The following PPM1H variants were observed in gnomAD, a reference collection of about 807,000 sequenced individuals.
PPM1H encodes the protein protein phosphatase 1H.
In PPM1H, 27 loss-of-function variants were observed where a neutral mutation model predicts 54.9. That is an observed-to-expected ratio of 0.49 (90% CI 0.36 to 0.68). The LOEUF (loss-of-function observed/expected upper bound fraction) is 0.68, where lower values mean the gene tolerates loss of function less well. PPM1H is among the 30% of genes least tolerant of loss of function. The probability of loss-of-function intolerance (pLI) is 0.00; values close to 1 mark genes in which losing one functional copy is unlikely to be tolerated. For missense variants in PPM1H, 596 were observed against 667.8 expected, an observed-to-expected ratio of 0.89 and a Z score of 1.19; for synonymous variants, 305 against 270.8, an observed-to-expected ratio of 1.13 and a Z score of -1.24.
chr12:62,879,548 T>C (rs945067042), intron 1 of PPM1H, among the ~76,000 whole-genome samples: 6 of 151,888 alleles, frequency 4.0e-5, no homozygotes, highest in Non-Finnish European at 8.8e-5. Context: ...CAGTCATAAG[T>C]GGGAGTTGAA....
intron 9 of PPM1H, among the ~76,000 whole-genome samples, chr12:62,664,496 A>T (rs2075905392): frequency 6.6e-6 from 1 of 152,154 alleles, no homozygotes; most frequent in Non-Finnish European, 1.5e-5. Context: ...CAACTTGTTT[A>T]CTTAAAGCCT....
At chr12:62,748,402 T>C (rs1197730935) in intron 4 of PPM1H, among the ~76,000 whole-genome samples, 2 of 152,192 alleles carry the variant, frequency 1.3e-5, no homozygotes, top group Non-Finnish European at 2.9e-5. Flanking sequence ...GCAAAGTGCT[T>C]TGAGGCTCTA....
intron 8 of PPM1H, among the ~76,000 whole-genome samples, chr12:62,688,008 C>CA (rs57922128): frequency 0.39 from 36,908 of 95,012 alleles, 8,252 homozygotes; most frequent in African/African-American, 0.66. Flanking sequence ...GACTCCATCT[C>CA]AAAAAAAAAA....
At chr12:62,704,810 A>G (rs918578106) in intron 6 of PPM1H, among the ~76,000 whole-genome samples, 1 of 152,150 alleles carries the variant, frequency 6.6e-6, no homozygotes, top group African/African-American at 2.4e-5. Context: ...GTCCCCGACA[A>G]TGCAGCTGCC....
At chr12:62,856,727 T>C (rs961559041) in intron 1 of PPM1H, among the ~76,000 whole-genome samples, 2 of 152,212 alleles carry the variant, frequency 1.3e-5, no homozygotes, top group African/African-American at 2.4e-5. Context: ...AGAGGGAATC[T>C]TTGTCAACGT....
At chr12:62,841,471 G>T (rs1424837387) in intron 1 of PPM1H, among the ~76,000 whole-genome samples, 3 of 152,166 alleles carry the variant, frequency 2.0e-5, no homozygotes, top group African/African-American at 7.2e-5. Flanking sequence ...TAATGGCAGA[G>T]TTATTAGTAG....
At chr12:62,847,232 T>G (rs1262769393) in intron 1 of PPM1H, among the ~76,000 whole-genome samples, 1 of 152,160 alleles carries the variant, frequency 6.6e-6, no homozygotes, top group African/African-American at 2.4e-5. Flanking sequence ...GGAAATAGAA[T>G]CTCAACAGAG....
intron 4 of PPM1H, among the ~76,000 whole-genome samples, chr12:62,780,125 A>G (rs2076632850): frequency 6.6e-6 from 1 of 152,244 alleles, no homozygotes; most frequent in Admixed American, 6.5e-5. Context: ...GGACAAAGTA[A>G]GCCAGCCAGT....
chr12:62,652,535 T>TAA (rs2075822084), intron 9 of PPM1H, among the ~76,000 whole-genome samples: 1 of 152,210 alleles, frequency 6.6e-6, no homozygotes, highest in South Asian at 2.1e-4. Context: ...TATGAAAACT[T>TAA]ATTTTGTGTT....
At chr12:62,739,751 G>A (rs1252956218) in intron 4 of PPM1H, among the ~76,000 whole-genome samples, 2 of 152,220 alleles carry the variant, frequency 1.3e-5, no homozygotes, top group East Asian at 3.8e-4. Flanking sequence ...CTGATTAAAG[G>A]AGCAGATGAA....
In PPM1H at chr12:62,809,219, T is replaced by C. The variant is rs984833376; in HGVS notation, c.412-7059A>G. ...GCATACACCACCACACCAGGCTAAT[T>C]TTTGTACTTTTAGTAGAGACAGGGT... On this transcript the variant is annotated intron_variant, in intron 2 of 9. Transcript: ENST00000228705. Among the ~76,000 whole-genome samples, 6 of 152,180 alleles carry C rather than the reference T, an allele frequency of 3.9e-5. No individual in the cohort carries two copies. The East Asian group carries it at 1.2e-3, about 29-fold the overall frequency.
chr12:62,819,641 G>A (rs1387147722), intron 2 of PPM1H, among the ~76,000 whole-genome samples: 1 of 152,148 alleles, frequency 6.6e-6, no homozygotes, highest in Non-Finnish European at 1.5e-5. Context: ...TTAAATTTGT[G>A]TGCCTTTTAA....
intron 2 of PPM1H, among the ~76,000 whole-genome samples, chr12:62,817,117 A>T (rs1347322794): frequency 3.6e-5 from 3 of 83,918 alleles, no homozygotes; most frequent in Non-Finnish European, 7.0e-5. Flanking sequence ...CTGCATTACT[A>T]AAAAAAAAAA....
intron 1 of PPM1H, among the ~76,000 whole-genome samples, chr12:62,923,687 C>T (rs1871877000): frequency 6.6e-6 from 1 of 152,192 alleles, no homozygotes; most frequent in Non-Finnish European, 1.5e-5. Flanking sequence ...CTGGCATGAG[C>T]CACTGAGCCT....
In PPM1H at chr12:62,806,564, T is replaced by C. The variant is rs531011047; in HGVS notation, c.412-4404A>G. 2.6e-5 allele frequency among the ~76,000 whole-genome samples: 4 copies of C among 152,262 alleles called. No individual in the cohort carries two copies. In the South Asian group the frequency reaches 8.3e-4, roughly 32 times the overall value. ...GGCCTGGTGGGAGGTGACTGCATCATGGGGGTGGATTTCCCCTTGTTCTTG... is the reference window on the plus strand; with the variant it reads ...GGCCTGGTGGGAGGTGACTGCATCACGGGGGTGGATTTCCCCTTGTTCTTG... On this transcript the variant is annotated intron_variant, in intron 2 of 9. Transcript: ENST00000228705.
chr12:62,753,486 C>T (rs539256779), intron 4 of PPM1H, among the ~76,000 whole-genome samples: 3 of 152,352 alleles, frequency 2.0e-5, no homozygotes, highest in South Asian at 2.1e-4. Context: ...TAACATCTTT[C>T]CACCTTTCTA....
At chr12:62,818,611 G>C (rs926572936) in intron 2 of PPM1H, among the ~76,000 whole-genome samples, 1 of 152,124 alleles carries the variant, frequency 6.6e-6, no homozygotes, top group African/African-American at 2.4e-5. Context: ...TCAGTTCTCA[G>C]AGGTAGGCAT....
intron 9 of PPM1H, 107 bp downstream of exon 9, chr12:62,667,071 T>C (rs1224598862): frequency 1.6e-6 from 2 of 1,286,658 alleles, no homozygotes. Flanking sequence ...GTACCGTCCA[T>C]ATCAGCCTCT....
At chr12:62,882,622 G>A (rs924278520) in intron 1 of PPM1H, among the ~76,000 whole-genome samples, 9 of 152,184 alleles carry the variant, frequency 5.9e-5, no homozygotes, top group Admixed American at 6.5e-5. Context: ...CTTGCTCCAC[G>A]TTCCAAAATG....
Sources: allele counts gnomAD v4.1 joint callset (sites outside exome capture counted in the v4.1 genomes callset), GRCh38; gene constraint gnomAD v4.1.1; transcripts MANE v1.5; gene names NCBI Gene and HGNC (gene_info 2026-07-23, HGNC 2026-07-21).